Variants in QSER1 observed in about 807,000 individuals in gnomAD.
QSER1 encodes the protein glutamine and serine rich 1.
In QSER1, 49 loss-of-function variants were observed where a neutral mutation model predicts 158.5. That is an observed-to-expected ratio of 0.31 (90% CI 0.25 to 0.39). The LOEUF is 0.39. Among genes scored for constraint, QSER1 ranks in the 10% least tolerant of loss-of-function variants. QSER1 has a pLI of 1.00. For synonymous variants in QSER1, 650 were observed against 715.5 expected, an observed-to-expected ratio of 0.91 and a Z score of 1.46; for missense variants, 1,754 against 2,010.3, an observed-to-expected ratio of 0.87 and a Z score of 2.44.
chr11:32,933,646 A>C lies in QSER1; in HGVS notation c.2388A>C (p.Pro796=). Residue 796 remains proline, a synonymous_variant, in exon 4 of 13, where the codon CCA becomes CCC. Coordinates refer to ENST00000650167, the MANE Select transcript of QSER1 (RefSeq NM_001076786.3). ...LKNSTNLIQT[P]QIRLNTKDLK... ...ACTCAACTAATTTAATACAGACTCC[A>C]CAAATAAGGTTGAATACTAAAGACT... 1.9e-6 allele frequency: 3 copies of C among 1,613,636 alleles called. No individual in the cohort carries two copies. The African/African-American group carries it at 4.0e-5, about 22-fold the overall frequency.
Position 32,973,502 on chromosome 11 carries a change from A to G in QSER1, c.5311A>G (p.Asn1771Asp), listed in dbSNP as rs1205633641. Residue 1771 changes from asparagine (N) to aspartate (D), a missense_variant, in exon 11 of 13, where the codon AAT (asparagine) becomes GAT (aspartate). By Grantham distance (23) the Asn-to-Asp change is conservative. Transcript: ENST00000650167. ...SKIKMNGKAYNKKTLRTSKTT... is the reference protein window; with the variant it reads ...SKIKMNGKAYDKKTLRTSKTT... Reference sequence around the variant, plus strand: ...AATCAAAATGAATGGCAAAGCCTATAATAAGAAAACTCTAAGGACTTCTAA... The same window carrying G: ...AATCAAAATGAATGGCAAAGCCTATGATAAGAAAACTCTAAGGACTTCTAA... The G allele has an allele frequency of 1.2e-6, 2 of 1,613,422 alleles. No individual in the cohort carries two copies. Among genetic ancestry groups the G allele is most frequent in the South Asian group, 2.2e-5 (2 of 90,984 alleles).
In QSER1 at chr11:32,932,690, C is replaced by T; in HGVS notation, c.1432C>T (p.Pro478Ser). ...GTCCCAAAATTACGGTTTAGTACAG[C>T]CACATAATGTGCCATCTATTGTTCA... ...SQSQNYGLVQ[P>S]HNVPSIVHSQ... The change falls in exon 4 of 13, where the codon CCA (proline) becomes TCA (serine). Residue 478 changes from proline to serine, a missense_variant. Coordinates refer to ENST00000650167, the MANE Select transcript of QSER1 (RefSeq NM_001076786.3). The T allele has an allele frequency of 6.2e-7, 1 of 1,614,090 alleles. No homozygotes were observed. The highest frequency in any genetic ancestry group is 8.5e-7 in the Non-Finnish European group (1 of 1,179,976).
At chr11:32,924,923 T>C (rs1851948384) in intron 1 of QSER1, among the ~76,000 whole-genome samples, 1 of 152,168 alleles carries the variant, frequency 6.6e-6, no homozygotes, top group Non-Finnish European at 1.5e-5. Context: ...ATTATTGCCA[T>C]CTTTATTTCC....
intron 1 of QSER1, among the ~76,000 whole-genome samples, chr11:32,905,184 T>C (rs908760527): frequency 6.6e-6 from 1 of 152,256 alleles, no homozygotes; most frequent in Admixed American, 6.5e-5. Context: ...AATTTTCATA[T>C]GGCCTAATGC....
At position 32,934,947 on chromosome 11, in the gene QSER1, G is replaced by A. The variant is rs769490998; in HGVS notation, c.3689G>A (p.Arg1230His). 24 of 1,613,900 alleles carry A rather than the reference G, an allele frequency of 1.5e-5. No homozygotes were observed. Among genetic ancestry groups the A allele is most frequent in the African/African-American group, 5.3e-5 (4 of 74,904 alleles). Residue 1230 changes from arginine (R) to histidine (H), a missense_variant, in exon 4 of 13, where the codon CGC (arginine) becomes CAC (histidine). Physicochemically the swap from Arg to His is conservative, Grantham distance 29. Transcript: ENST00000650167. ...CTGAAAAGACCTGCCCAAGGCAAAC[G>A]CCAGAATCCAAGGGGAACAGATATT... ...KQLKRPAQGK[R>H]QNPRGTDIYL...
rs763910469 is a variant in QSER1, at chr11:32,933,341, A to T, written c.2083A>T (p.Met695Leu). ...PSSKQEDGFP[M>L]QELQVLQPQA... The stretch of plus-strand genomic sequence containing the variant: ...TTCAAAGCAAGAAGATGGTTTTCCA[A>T]TGCAAGAGTTACAGGTGTTGCAGCC... Residue 695 changes from methionine to leucine, a missense_variant, in exon 4 of 13, where the codon ATG becomes TTG. By Grantham distance (15) the Met-to-Leu change is conservative (BLOSUM62 2). Around this residue, in one of 2 missense-constraint regions of QSER1, gnomAD observed 1,707 missense variants for 1,919.6 expected, o/e 0.89. Coordinates refer to ENST00000650167, the MANE Select transcript of QSER1 (RefSeq NM_001076786.3). The T allele has an allele frequency of 2.5e-6, 4 of 1,612,248 alleles. No homozygotes were observed. Among genetic ancestry groups the T allele is most frequent in the South Asian group, 2.2e-5 (2 of 90,630 alleles).
intron 1 of QSER1, among the ~76,000 whole-genome samples, chr11:32,925,734 G>T (rs567127180): frequency 5.6e-4 from 85 of 151,706 alleles, no homozygotes; most frequent in Non-Finnish European, 1.0e-3. Flanking sequence ...TGCCATGTTG[G>T]CCAGGCTGAT....
rs1851499511 is a variant in QSER1, at chr11:32,892,885, G to T, written c.-241G>T. On this transcript the variant is annotated 5_prime_UTR_variant, in exon 1 of 13. Coordinates refer to ENST00000650167, the MANE Select transcript of QSER1 (RefSeq NM_001076786.3). ...CCGTCGCCGCGAGTCCCGGCCGCGG[G>T]TGCCTCCGCTTCCCTGACGCCCAGC... is the stretch of plus-strand genomic sequence containing the variant. 8.4e-6 allele frequency among the ~76,000 whole-genome samples: 1 copy of T among 119,370 alleles called. No individual in the cohort carries two copies. The highest frequency in any genetic ancestry group is 8.3e-5 in the Admixed American group (1 of 12,100). 78.3% of individuals were successfully genotyped at this position (119,370 alleles called of 152,430 possible). A position where few individuals can be genotyped will look rare whatever the true frequency, so the allele number is the denominator to read the frequency against.
intron 7 of QSER1, among the ~76,000 whole-genome samples, chr11:32,957,548 A>G (rs1852541053): frequency 6.6e-6 from 1 of 152,098 alleles, no homozygotes; most frequent in Non-Finnish European, 1.5e-5. Flanking sequence ...TCCTAAGCCC[A>G]CTGATCATCT....
At chr11:32,930,941 A>AT (rs934859326) in intron 3 of QSER1, among the ~76,000 whole-genome samples, 18 of 152,216 alleles carry the variant, frequency 1.2e-4, no homozygotes, top group African/African-American at 4.3e-4. Flanking sequence ...ACATGCATCT[A>AT]TTATGATTGG....
intron 9 of QSER1, among the ~76,000 whole-genome samples, chr11:32,968,717 A>T (rs1235597951): frequency 1.3e-5 from 2 of 152,236 alleles, no homozygotes; most frequent in Non-Finnish European, 2.9e-5. Context: ...TTCGTCACAT[A>T]GCTGCCACAT....
intron 2 of QSER1, among the ~76,000 whole-genome samples, chr11:32,927,608 C>G (rs190505614): frequency 8.3e-4 from 127 of 152,174 alleles, no homozygotes; most frequent in Non-Finnish European, 4.1e-4. Flanking sequence ...GGGGTTTCAC[C>G]ATATTGGCCA....
At chr11:32,942,468 A>G (rs1040474656) in intron 4 of QSER1, among the ~76,000 whole-genome samples, 17 of 148,804 alleles carry the variant, frequency 1.1e-4, no homozygotes, top group African/African-American at 4.0e-4. Context: ...CAGTTTTCCC[A>G]GCACCATTTA....
At chr11:32,912,297 T>A (rs1359584470) in intron 1 of QSER1, among the ~76,000 whole-genome samples, 1 of 152,206 alleles carries the variant, frequency 6.6e-6, no homozygotes, top group Non-Finnish European at 1.5e-5. Context: ...ATGATTCCTG[T>A]CTTCCCCGCA....
chr11:32,905,960 G>T (rs1295489494), intron 1 of QSER1, among the ~76,000 whole-genome samples: 1 of 151,968 alleles, frequency 6.6e-6, no homozygotes, highest in Non-Finnish European at 1.5e-5. Context: ...TTTTTGGTGT[G>T]TAACTTGTTT....
At position 32,934,618 on chromosome 11, in the gene QSER1, T is replaced by C. The variant is rs199504021; in HGVS notation, c.3360T>C (p.Ser1120=). The change falls in exon 4 of 13, where the codon AGT becomes AGC. Residue 1120 remains serine, a synonymous_variant. Transcript: ENST00000650167. Reference sequence around the variant, plus strand: ...CCAATCTTGAATCTGAAGAAGACAGTGAAGCTCCTGTTGATAGTACATTAA... The same window carrying C: ...CCAATCTTGAATCTGAAGAAGACAGCGAAGCTCCTGTTGATAGTACATTAA... The part of the protein sequence containing the change: ...SATNLESEED[S]EAPVDSTLNN... 6.2e-7 allele frequency: 1 copy of C among 1,613,664 alleles called. No homozygotes were observed. The highest frequency in any genetic ancestry group is 8.5e-7 in the Non-Finnish European group (1 of 1,179,972).
intron 11 of QSER1, 122 bp downstream of exon 11, chr11:32,973,671 G>T: frequency 1.1e-6 from 1 of 935,542 alleles, no homozygotes; most frequent in South Asian, 1.7e-5. Context: ...GGTTTTTCAG[G>T]TAGGAATAAG....
At position 32,893,134 on chromosome 11, in the gene QSER1, G is replaced by T; in HGVS notation, c.9G>T (p.Arg3Ser). ...CCTACGCCACCCCCACGATGGACAG[G>T]AACTACGCGACCTCGGGCTTCACCG... MD[R>S]NYATSGFTEP... The change falls in exon 1 of 13, where the codon AGG becomes AGT. Residue 3 changes from arginine to serine, a missense_variant. Coordinates refer to ENST00000650167, the MANE Select transcript of QSER1 (RefSeq NM_001076786.3). This position sits in a 1 kb window ranked among gnomAD's most constrained non-coding sequence, Gnocchi z 4.7. The T allele has an allele frequency of 7.3e-6, 1 of 136,082 alleles. No homozygotes were observed. Among genetic ancestry groups the T allele is most frequent in the South Asian group, 2.0e-4 (1 of 5,014 alleles). 8.4% of individuals were successfully genotyped at this position (136,082 alleles called of 1,614,324 possible).
chr11:32,913,591 C>T (rs1324425853), intron 1 of QSER1, among the ~76,000 whole-genome samples: 2 of 152,132 alleles, frequency 1.3e-5, no homozygotes, highest in Admixed American at 6.6e-5. Context: ...TCTCTAGTTC[C>T]TAGCATAACA....
Sources: gnomAD v4.1 joint callset for allele counts (sites outside exome capture counted in the v4.1 genomes callset) on GRCh38, gnomAD v4.1.1 for gene constraint, gnomAD v4.1.1 regional missense constraint, Gnocchi (gnomAD v3.1) non-coding constraint, MANE v1.5 for transcripts, NCBI Gene and HGNC (gene_info 2026-07-23, HGNC 2026-07-21) for gene names.